CHI3L2: variants seen among roughly 807,000 people sequenced by gnomAD.
CHI3L2 encodes the protein chitinase-3-like protein 2.
A neutral mutation model predicts 47.3 loss-of-function variants in CHI3L2; 47 were observed. That is an observed-to-expected ratio of 0.99 (90% CI 0.79 to 1.27). CHI3L2 has a LOEUF of 1.27. CHI3L2 is among the 50% of genes most tolerant of loss of function. The pLI, the probability that CHI3L2 is intolerant of heterozygous loss-of-function variation, is 0.00. For synonymous variants in CHI3L2, 198 were observed against 169.9 expected (o/e 1.17, Z -1.28); for missense variants, 497 against 462.1 (o/e 1.08, Z -0.69).
At chr1:111,233,030 GT>G (rs1659771831) in intron 4 of CHI3L2, among the ~76,000 whole-genome samples, 1 of 152,158 alleles carries the variant, frequency 6.6e-6, no homozygotes, top group African/African-American at 2.4e-5. Flanking sequence ...GGTGTGGGAG[GT>G]ATTGTAAGAG....
At chr1:111,233,766 A>G (rs1243002177) in intron 4 of CHI3L2, among the ~76,000 whole-genome samples, 2 of 151,996 alleles carry the variant, frequency 1.3e-5, no homozygotes, top group South Asian at 2.1e-4. Context: ...AAAGGTGGGG[A>G]AAAGATTGAG....
chr1:111,231,196 G>A (rs753999615), intron 3 of CHI3L2, 42 bp from the exon 4 acceptor site: 1 of 1,515,710 alleles, frequency 6.6e-7, no homozygotes, highest in Non-Finnish European at 9.2e-7. Context: ...AGGCTTCCCT[G>A]GCAGCCAGAA....
chr1:111,238,032 A>G (rs1025080612), intron 7 of CHI3L2, among the ~76,000 whole-genome samples: 2 of 152,350 alleles, frequency 1.3e-5, no homozygotes, highest in Middle Eastern at 3.4e-3. Flanking sequence ...AGGCCTTTAC[A>G]TAATAACTCT....
At chr1:111,231,407 GC>G in intron 4 of CHI3L2, 113 bp downstream of exon 4, 1 of 783,272 alleles carries the variant, frequency 1.3e-6, no homozygotes, top group Non-Finnish European at 2.1e-6. Context: ...TTTTCCCTTG[GC>G]CAGGTGGCAA....
chr1:111,233,573 G>A (rs894764520), intron 4 of CHI3L2, among the ~76,000 whole-genome samples: 6 of 152,058 alleles, frequency 3.9e-5, no homozygotes, highest in African/African-American at 1.4e-4. Context: ...AGGTGGGGGG[G>A]GTCAGCACCC....
chr1:111,236,383 T>G (rs1294708534), intron 7 of CHI3L2, among the ~76,000 whole-genome samples: 3 of 152,246 alleles, frequency 2.0e-5, no homozygotes, highest in Admixed American at 2.0e-4. Flanking sequence ...CCCTAAGCTC[T>G]GTCTCTGGCT....
intron 5 of CHI3L2, 148 bp from the exon 6 acceptor site, chr1:111,235,491 C>A: frequency 1.1e-6 from 1 of 895,516 alleles, no homozygotes; most frequent in Non-Finnish European, 1.7e-6. Context: ...CAGATACAGG[C>A]ACAAGGCATC....
rs1659624817 is a variant in CHI3L2 at position 111,229,403 on chromosome 1, C to T, written c.41-449C>T. ...CAAGGTCCTATAAAGAAACCACAGG[C>T]CGGGCGCGGTGGCTCACGCCTGTAA... On this transcript the variant is annotated intron_variant, in intron 1 of 10. Coordinates refer to ENST00000369748, the MANE Select transcript of CHI3L2 (RefSeq NM_004000.3). Among the ~76,000 whole-genome samples, 3 of 152,162 alleles carry T rather than the reference C, an allele frequency of 2.0e-5. No individual in the cohort carries two copies. In the South Asian group the frequency reaches 6.2e-4, roughly 32 times the overall value.
chr1:111,242,286 T>C lies in CHI3L2; in HGVS notation c.1095T>C (p.Asp365=). The C allele has an allele frequency of 6.2e-7, 1 of 1,614,134 alleles. No homozygotes were observed. Among genetic ancestry groups the C allele is most frequent in the South Asian group, 1.1e-5 (1 of 91,078 alleles). The change falls in exon 10 of 11, where the codon GAT becomes GAC. Residue 365 remains aspartate (D), a synonymous_variant. Transcript: ENST00000369748. ...CCATGATCTGGTCTATTGACATGGA[T>C]GACTTCACTGGCAAATCCTGCAACC... is the stretch of plus-strand genomic sequence containing the variant. ...GGAMIWSIDM[D]DFTGKSCNQG...
At chr1:111,228,920 A>G (rs1659607063) in intron 1 of CHI3L2, among the ~76,000 whole-genome samples, 1 of 152,148 alleles carries the variant, frequency 6.6e-6, no homozygotes, top group Non-Finnish European at 1.5e-5. Context: ...CAGTCTTCCT[A>G]GGGTAGATGT....
intron 8 of CHI3L2, 38 bp downstream of exon 8, chr1:111,238,970 T>C (rs377641964): frequency 2.0e-5 from 31 of 1,526,864 alleles, no homozygotes; most frequent in Non-Finnish European, 2.5e-5. Flanking sequence ...CTCCCTGCCA[T>C]GTCTGGGTAG....
At chr1:111,242,636 G>A in intron 10 of CHI3L2, 1 of 252,498 alleles carries the variant, frequency 4.0e-6, no homozygotes, top group Non-Finnish European at 7.5e-6. Flanking sequence ...TATATATTAG[G>A]GATAAATATT....
In CHI3L2 at chr1:111,234,907, G is replaced by A. The variant is rs148892404; in HGVS notation, c.330G>A (p.Gly110=). ...AGACACTCGTATTGCTTCTTTCCAGGTTCCACCCTATGGTGGATTCTTCTA... is the reference window on the plus strand; with the variant it reads ...AGACACTCGTATTGCTTCTTTCCAGATTCCACCCTATGGTGGATTCTTCTA... The part of the protein sequence containing the change: ...SIGGYLFGSK[G]FHPMVDSSTS... The change falls in exon 5 of 11, where the codon GGG becomes GGA. Residue 110 remains glycine, a splice_region_variant and synonymous_variant. Coordinates refer to ENST00000369748, the MANE Select transcript of CHI3L2 (RefSeq NM_004000.3). 110 of 1,613,558 alleles carry A rather than the reference G, an allele frequency of 6.8e-5. No individual in the cohort carries two copies. The highest frequency in any genetic ancestry group is 4.6e-5 in the Non-Finnish European group (54 of 1,179,636).
At chr1:111,229,267 A>G (rs1030864248) in intron 1 of CHI3L2, among the ~76,000 whole-genome samples, 8 of 152,222 alleles carry the variant, frequency 5.3e-5, no homozygotes, top group African/African-American at 1.7e-4. Flanking sequence ...CACAGAGCAT[A>G]TGATTCAATA....
At position 111,238,943 on chromosome 1, in the gene CHI3L2, AC is replaced by A; in HGVS notation, c.918+16del. 2 of 1,563,010 alleles carry A rather than the reference AC, an allele frequency of 1.3e-6. No individual in the cohort carries two copies. The highest frequency in any genetic ancestry group is 2.1e-5 in the Admixed American group (1 of 48,438). ...CTGGCCTATTATGAGGTACCTGGAA[AC>A]CCCCTGTACCCTCAGCTCCCTGCCA... is the stretch of plus-strand genomic sequence containing the variant. On this transcript the variant is annotated intron_variant, in intron 8 of 10. Coordinates refer to ENST00000369748, the MANE Select transcript of CHI3L2 (RefSeq NM_004000.3).
At chr1:111,234,481 A>G (rs1417325149) in intron 4 of CHI3L2, among the ~76,000 whole-genome samples, 1 of 152,148 alleles carries the variant, frequency 6.6e-6, no homozygotes, top group Non-Finnish European at 1.5e-5. Flanking sequence ...CACCTGGGGG[A>G]TGGCAGGGGG....
Position 111,242,303 on chromosome 1 carries a change from C to A in CHI3L2, c.1112C>A (p.Ser371Tyr). ...GACATGGATGACTTCACTGGCAAAT[C>A]CTGCAACCAGGGCCCTTACCCTCTT... ...SIDMDDFTGK[S>Y]CNQGPYPLVQ... Residue 371 changes from serine (S) to tyrosine (Y), a missense_variant, in exon 10 of 11, where the codon TCC becomes TAC. Transcript: ENST00000369748. 6.2e-7 allele frequency: 1 copy of A among 1,614,016 alleles called. No homozygotes were observed. The highest frequency in any genetic ancestry group is 8.5e-7 in the Non-Finnish European group (1 of 1,179,956).
In CHI3L2 at chr1:111,236,164, C is replaced by G; in HGVS notation, c.735+11C>G. The G allele has an allele frequency of 6.2e-7, 1 of 1,613,792 alleles. No individual in the cohort carries two copies. Among genetic ancestry groups the G allele is most frequent in the South Asian group, 1.1e-5 (1 of 91,050 alleles). The stretch of plus-strand genomic sequence containing the variant: ...TCCTACTACAATGTGGTGAGTAGGC[C>G]AGGGGAACCGCAGGGGTACTGGCTG... On this transcript the variant is annotated intron_variant, in intron 7 of 10. Coordinates refer to ENST00000369748, the MANE Select transcript of CHI3L2 (RefSeq NM_004000.3).
At chr1:111,232,071 ACAACTTGTG>A (rs1659738419) in intron 4 of CHI3L2, among the ~76,000 whole-genome samples, 1 of 152,234 alleles carries the variant, frequency 6.6e-6, no homozygotes, top group African/African-American at 2.4e-5. Flanking sequence ...ATCTGATAGT[ACAACTTGTG>A]CAACCTGTCA....
Sources: gnomAD v4.1 joint callset for allele counts (sites outside exome capture counted in the v4.1 genomes callset) on GRCh38, gnomAD v4.1.1 for gene constraint, MANE v1.5 for transcripts, NCBI Gene and HGNC (gene_info 2026-07-23, HGNC 2026-07-21) for gene names.